Variants in ERC1 observed in about 807,000 individuals in gnomAD.
ERC1 encodes ELKS/RAB6-interacting/CAST family member 1.
Under a neutral mutation model 132.0 loss-of-function variants are expected in ERC1, and 56 were observed. The observed-to-expected ratio is 0.42, with a 90% CI of 0.34 to 0.53. ERC1 has a LOEUF of 0.53. ERC1 is among the 20% of genes least tolerant of loss of function. The pLI, the probability that ERC1 is intolerant of heterozygous loss-of-function variation, is 0.03. For missense variants in ERC1, 1,202 were observed against 1,349.9 expected, an observed-to-expected ratio of 0.89 and a Z score of 1.72; for synonymous variants, 478 against 476.1, an observed-to-expected ratio of 1.00 and a Z score of -0.05.
chr12:1,411,547 C>T (rs891468405), intron 17 of ERC1, among the ~76,000 whole-genome samples: 2 of 152,154 alleles, frequency 1.3e-5, no homozygotes, highest in African/African-American at 4.8e-5. Flanking sequence ...TTGAAACGCA[C>T]TGGGTCAACC....
At chr12:1,244,007 G>A (rs182293466) in intron 13 of ERC1, among the ~76,000 whole-genome samples, 106 of 152,146 alleles carry the variant, frequency 7.0e-4, no homozygotes, top group African/African-American at 1.5e-3. Context: ...CAGTAATATC[G>A]CCTAGGTACA....
chr12:1,133,466 C>T (rs181992223), intron 7 of ERC1, among the ~76,000 whole-genome samples: 19 of 152,236 alleles, frequency 1.2e-4, no homozygotes, highest in African/African-American at 4.1e-4. Context: ...GCAACACTGG[C>T]TGGCTTGAGC....
chr12:1,170,009 T>C (rs115517146), intron 8 of ERC1, among the ~76,000 whole-genome samples: 1,609 of 152,324 alleles, frequency 0.011, 33 homozygotes, highest in African/African-American at 0.036. Context: ...AGAAAATATT[T>C]GGTTTTGGCA....
At chr12:1,239,516 G>A (rs2075657295) in intron 13 of ERC1, among the ~76,000 whole-genome samples, 2 of 152,272 alleles carry the variant, frequency 1.3e-5, no homozygotes, top group South Asian at 4.1e-4. Flanking sequence ...TGAGACCAGA[G>A]TTCAAGACCA....
chr12:1,048,095 A>G (rs551072461), intron 2 of ERC1, among the ~76,000 whole-genome samples: 60 of 152,314 alleles, frequency 3.9e-4, no homozygotes, highest in African/African-American at 1.3e-3. Flanking sequence ...AGCACTTCCC[A>G]TACTAGAGGG....
In ERC1 at chr12:1,083,064, G is replaced by C. The variant is rs962006713; in HGVS notation, c.670-100G>C. 6 of 961,626 alleles carry C rather than the reference G, an allele frequency of 6.2e-6. No homozygotes were observed. The East Asian group carries it at 1.4e-4, about 23-fold the overall frequency. The allele number at this position is 961,626 out of a possible 1,614,324, so 59.6% of individuals were successfully genotyped here. A position where few individuals can be genotyped will look rare whatever the true frequency, so the allele number is the denominator to read the frequency against. On this transcript the variant is annotated intron_variant, in intron 2 of 18. Transcript: ENST00000360905. ...TAAGGTGAATCCTAATTTGCTAGAT[G>C]CAGATTTCTTGTAGCTATTTTTGAT...
chr12:1,484,070 C>G (rs576199609), intron 18 of ERC1, among the ~76,000 whole-genome samples: 1 of 61,418 alleles, frequency 1.6e-5, no homozygotes, highest in African/African-American at 1.0e-4. Flanking sequence ...CTTTGGGAGG[C>G]TGAGGCGGGC....
intron 17 of ERC1, among the ~76,000 whole-genome samples, chr12:1,409,046 C>G (rs560155602): frequency 6.6e-6 from 1 of 152,180 alleles, no homozygotes; most frequent in African/African-American, 2.4e-5. Context: ...GAAAACTTTC[C>G]TGCTAAACGT....
At chr12:1,366,022 A>G (rs1344630652) in intron 15 of ERC1, among the ~76,000 whole-genome samples, 1 of 152,230 alleles carries the variant, frequency 6.6e-6, no homozygotes, top group African/African-American at 2.4e-5. Flanking sequence ...AGTCACATTC[A>G]TAGAGATAGA....
At chr12:1,426,876 T>C (rs548901039) in intron 17 of ERC1, among the ~76,000 whole-genome samples, 1 of 152,250 alleles carries the variant, frequency 6.6e-6, no homozygotes, top group South Asian at 2.1e-4. Context: ...ACCTTTTTCG[T>C]AAAAACCATT....
At chr12:1,309,961 G>GTTTTGTTTTT (rs1555355526) in intron 15 of ERC1, among the ~76,000 whole-genome samples, 2 of 143,892 alleles carry the variant, frequency 1.4e-5, no homozygotes, top group Non-Finnish European at 3.1e-5. Context: ...GTTTTGTTTT[G>GTTTTGTTTTT]TTTTGAGACA....
chr12:1,430,622 C>G (rs901163673), intron 17 of ERC1: 2 of 152,414 alleles, frequency 1.3e-5, no homozygotes, highest in African/African-American at 4.8e-5. Context: ...TCAAGAGATT[C>G]ACCTGCCTTG....
At chr12:1,466,175 C>T (rs1244058452) in intron 18 of ERC1, among the ~76,000 whole-genome samples, 1 of 152,092 alleles carries the variant, frequency 6.6e-6, no homozygotes, top group East Asian at 1.9e-4. Context: ...GCTGGAAGTC[C>T]GAGATCAAGG....
intron 1 of ERC1, among the ~76,000 whole-genome samples, chr12:1,004,606 C>T (rs745470377): frequency 2.5e-4 from 38 of 151,726 alleles, no homozygotes; most frequent in Non-Finnish European, 4.1e-4. Flanking sequence ...GGGGTTTCAC[C>T]GTGTTGGCCA....
intron 15 of ERC1, among the ~76,000 whole-genome samples, chr12:1,294,372 G>A (rs1160712439): frequency 6.6e-6 from 1 of 152,080 alleles, no homozygotes; most frequent in African/African-American, 2.4e-5. Context: ...ATTTTCTTAT[G>A]TAAAAAGCCT....
chr12:1,318,398 G>A (rs561852156), intron 15 of ERC1, among the ~76,000 whole-genome samples: 1 of 152,322 alleles, frequency 6.6e-6, no homozygotes, highest in South Asian at 2.1e-4. Context: ...CTGAAAAAAT[G>A]TGGAACTGTT....
chr12:1,272,224 C>T (rs1206677051), intron 14 of ERC1, among the ~76,000 whole-genome samples: 4 of 152,178 alleles, frequency 2.6e-5, no homozygotes, highest in African/African-American at 7.2e-5. Flanking sequence ...GATTCTGACA[C>T]GTGGTAAAGC....
In ERC1 at chr12:1,180,638, C is replaced by T; in HGVS notation, c.1836C>T (p.Asp612=). 1.9e-6 allele frequency: 3 copies of T among 1,614,028 alleles called. No homozygotes were observed. Among genetic ancestry groups the T allele is most frequent in the Non-Finnish European group, 2.5e-6 (3 of 1,180,008 alleles). Reference sequence around the variant, plus strand: ...TGCAGGCTGACACCACCAACACTGACACTGCCTTGACAACTTTGGAGGAGG... The same window carrying T: ...TGCAGGCTGACACCACCAACACTGATACTGCCTTGACAACTTTGGAGGAGG... ...KSLQADTTNT[D]TALTTLEEAL... The change falls in exon 9 of 19, where the codon GAC becomes GAT. Residue 612 remains aspartate, a synonymous_variant. Transcript: ENST00000360905.
In ERC1 at chr12:1,272,842, G is replaced by A. The variant is rs11829082; in HGVS notation, c.2619+9677G>A. ...AGGTGCCCATAATCCCAGCTACTTG[G>A]GAGGCTGAAGCAGGAGAATTGCTTG... On this transcript the variant is annotated intron_variant, in intron 14 of 18. Coordinates refer to ENST00000360905, the MANE Select transcript of ERC1 (RefSeq NM_178040.4). Among the ~76,000 whole-genome samples the A allele has an allele frequency of 4.6e-3, 701 of 151,686 alleles. 6 individuals are homozygous for A. Among genetic ancestry groups the A allele is most frequent in the African/African-American group, 0.016 (674 of 41,262 alleles).
Sources: gnomAD v4.1 joint callset for allele counts (sites outside exome capture counted in the v4.1 genomes callset) on GRCh38, gnomAD v4.1.1 for gene constraint, MANE v1.5 for transcripts, NCBI Gene and HGNC (gene_info 2026-07-23, HGNC 2026-07-21) for gene names.